The following SLK variants were observed in gnomAD, a reference collection of about 807,000 sequenced individuals.
SLK encodes STE20 like kinase, also known as STE20-like serine/threonine-protein kinase.
A neutral mutation model predicts 147.7 loss-of-function variants in SLK; 67 were observed. That is an observed-to-expected ratio of 0.45 (90% confidence interval 0.37 to 0.56). SLK has a LOEUF of 0.56. SLK is among the 20% of genes least tolerant of loss of function. The pLI is 0.00. For synonymous variants in SLK, 441 were observed against 475.0 expected (o/e 0.93, Z 0.93); for missense variants, 1,136 against 1,438.8 (o/e 0.79, Z 3.41).
At chr10:103,991,184 C>T (rs1589532063) in intron 2 of SLK, among the ~76,000 whole-genome samples, 1 of 152,114 alleles carries the variant, frequency 6.6e-6, no homozygotes, top group Admixed American at 6.5e-5. Flanking sequence ...AAAAGTTTCT[C>T]TTAGAAATTG....
intron 1 of SLK, 48 bp from the exon 2 acceptor site, chr10:103,990,627 G>A: frequency 8.9e-7 from 1 of 1,129,876 alleles, no homozygotes; most frequent in Non-Finnish European, 1.2e-6. Context: ...TAAAAAATTA[G>A]AAAATGATGC....
intron 15 of SLK, chr10:104,019,188 C>A: frequency 3.7e-6 from 1 of 272,916 alleles, no homozygotes. Flanking sequence ...TATTTTGGCT[C>A]TATTTGTGGT....
intron 16 of SLK, 105 bp downstream of exon 16, chr10:104,020,027 G>C: frequency 1.2e-6 from 1 of 866,628 alleles, no homozygotes; most frequent in Non-Finnish European, 1.8e-6. Flanking sequence ...AGCCACCTTA[G>C]GCTTGTTGAT....
intron 13 of SLK, among the ~76,000 whole-genome samples, chr10:104,012,293 C>T (rs1022098008): frequency 6.6e-6 from 1 of 152,050 alleles, no homozygotes; most frequent in Admixed American, 6.6e-5. Context: ...ATATTTTTAA[C>T]ACCATGAAAA....
chr10:103,983,297 T>G (rs775360745), intron 1 of SLK, among the ~76,000 whole-genome samples: 2 of 152,214 alleles, frequency 1.3e-5, no homozygotes, highest in South Asian at 4.1e-4. Flanking sequence ...ATGAACAGTC[T>G]AAAAGTATAT....
intron 12 of SLK, among the ~76,000 whole-genome samples, chr10:104,009,838 A>G (rs1389542124): frequency 6.6e-6 from 1 of 151,778 alleles, no homozygotes; most frequent in Non-Finnish European, 1.5e-5. Context: ...CTTCCTTTTA[A>G]TGGTGATTTG....
At chr10:104,021,955 G>T (rs1322395365) in intron 18 of SLK, among the ~76,000 whole-genome samples, 3 of 152,104 alleles carry the variant, frequency 2.0e-5, no homozygotes, top group Non-Finnish European at 2.9e-5. Context: ...CAAGGGAAAG[G>T]AACAGATTTT....
chr10:103,989,657 A>T (rs1844065054), intron 1 of SLK, among the ~76,000 whole-genome samples: 1 of 151,888 alleles, frequency 6.6e-6, no homozygotes, highest in Admixed American at 6.6e-5. Context: ...TTTAGTAGAG[A>T]CGGGGTTTCA....
chr10:103,999,969 C>T, intron 7 of SLK, 21 bp downstream of exon 7: 1 of 1,054,902 alleles, frequency 9.5e-7, no homozygotes. Context: ...ATGACAACAG[C>T]AAATAATATA....
At chr10:103,995,613 A>C (rs1844160839) in intron 4 of SLK, among the ~76,000 whole-genome samples, 1 of 151,220 alleles carries the variant, frequency 6.6e-6, no homozygotes, top group Non-Finnish European at 1.5e-5. Flanking sequence ...TTTAGTAGAG[A>C]TGGGGTTTCA....
At chr10:103,994,401 T>C (rs1461908078) in intron 4 of SLK, among the ~76,000 whole-genome samples, 1 of 152,224 alleles carries the variant, frequency 6.6e-6, no homozygotes, top group Non-Finnish European at 1.5e-5. Context: ...TCTTTATGGC[T>C]TAGTCACCCA....
chr10:103,978,592 A>C (rs1221546744), intron 1 of SLK, among the ~76,000 whole-genome samples: 2 of 152,204 alleles, frequency 1.3e-5, no homozygotes, highest in Non-Finnish European at 2.9e-5. Context: ...TTTCAGAAGT[A>C]GTTTTTAAGT....
At chr10:104,019,616 T>C in intron 15 of SLK, 118 bp from the exon 16 acceptor site, 1 of 841,724 alleles carries the variant, frequency 1.2e-6, no homozygotes, top group Non-Finnish European at 1.9e-6. Flanking sequence ...TGCTGGTCAC[T>C]GCAACAAGGG....
At chr10:104,008,464 C>T (rs1844358365) in intron 12 of SLK, 108 bp downstream of exon 12, 1 of 703,150 alleles carries the variant, frequency 1.4e-6, no homozygotes, top group African/African-American at 1.8e-5. Flanking sequence ...AGTTAAATAG[C>T]ACCTATTCAT....
At chr10:104,021,774 C>T (rs10883961) in intron 18 of SLK, 41 bp downstream of exon 18, 542,402 of 1,042,852 alleles carry the variant, frequency 0.52, 144,656 homozygotes, top group East Asian at 0.73. Flanking sequence ...TGTGTGTACT[C>T]GTCCGTCTAC....
chr10:104,026,807 A>G lies in SLK; in HGVS notation c.*1087A>G, dbSNP rs1844605149. 1 of 152,196 alleles carries G rather than the reference A, an allele frequency of 6.6e-6. No individual in the cohort carries two copies. Among genetic ancestry groups the G allele is most frequent in the Admixed American group, 6.5e-5 (1 of 15,278 alleles). 9.4% of individuals were successfully genotyped at this position (152,196 alleles called of 1,614,324 possible). On this transcript the variant is annotated 3_prime_UTR_variant, in exon 19 of 19. Transcript: ENST00000369755. ...CAGGAATTACTTTTCCTTATTTTGA[A>G]ATGAGGCTACTTATGTCTTGGTTTT...
chr10:103,992,159 T>TTTTTTTTTC (rs1554842829), intron 2 of SLK, among the ~76,000 whole-genome samples: 1 of 138,944 alleles, frequency 7.2e-6, no homozygotes, highest in African/African-American at 2.6e-5. Flanking sequence ...TTTTTTTTTT[T>TTTTTTTTTC]CTAAAAGAAG....
Position 104,002,944 on chromosome 10 carries a change from T to G in SLK, c.1766T>G (p.Met589Arg). Residue 589 changes from methionine (M) to arginine (R), a missense_variant, in exon 9 of 19, where the codon ATG (methionine) becomes AGG (arginine). By Grantham distance (91) the Met-to-Arg change is moderately conservative. Around this residue, in one of 6 missense-constraint regions of SLK, gnomAD observed 516 missense variants for 531.3 expected, o/e 0.97. Coordinates refer to ENST00000369755, the MANE Select transcript of SLK (RefSeq NM_014720.4). ...GGCCAGAAATTAATTAATAAGCCCA[T>G]GGTGGGTCCTGAGGCTGGTGGTACT... is the stretch of plus-strand genomic sequence containing the variant. Reference protein sequence around the residue: ...EVGQKLINKPMVGPEAGGTKE... With the variant: ...EVGQKLINKPRVGPEAGGTKE... 3.7e-6 allele frequency: 6 copies of G among 1,613,996 alleles called. No individual in the cohort carries two copies. Among genetic ancestry groups the G allele is most frequent in the Non-Finnish European group, 4.2e-6 (5 of 1,179,934 alleles).
chr10:104,016,650 A>G (rs1310652873), intron 13 of SLK, among the ~76,000 whole-genome samples: 1 of 152,178 alleles, frequency 6.6e-6, no homozygotes, highest in Non-Finnish European at 1.5e-5. Flanking sequence ...GCAAATGATG[A>G]TGCAGATGAA....
Sources: gnomAD v4.1 joint callset for allele counts (sites outside exome capture counted in the v4.1 genomes callset) on GRCh38, gnomAD v4.1.1 for gene constraint, gnomAD v4.1.1 regional missense constraint, MANE v1.5 for transcripts, NCBI Gene and HGNC (gene_info 2026-07-23, HGNC 2026-07-21) for gene names.